Variants in TIMM44 observed in about 807,000 individuals in gnomAD.
TIMM44 encodes mitochondrial import inner membrane translocase subunit TIM44.
TIMM44 carries 37 observed loss-of-function variants against 63.8 expected under a neutral mutation model. The observed-to-expected ratio is 0.58, with a 90% CI of 0.45 to 0.76. The LOEUF (loss-of-function observed/expected upper bound fraction) is 0.76, where lower values mean the gene tolerates loss of function less well. Ranked by LOEUF, TIMM44 falls within the 30% of genes least tolerant of loss-of-function variation. The pLI is 0.00. For missense variants in TIMM44, 573 were observed against 603.8 expected, an observed-to-expected ratio of 0.95 and a Z score of 0.54; for synonymous variants, 239 against 245.1, an observed-to-expected ratio of 0.98 and a Z score of 0.23.
intron 9 of TIMM44, 61 bp downstream of exon 9, chr19:7,932,566 G>C: frequency 6.3e-7 from 1 of 1,590,384 alleles, no homozygotes. Flanking sequence ...CGGCTGCGGC[G>C]GGGGAGGTGG....
At chr19:7,928,260 C>CA in intron 10 of TIMM44, 94 bp from the exon 11 acceptor site, 1 of 1,106,174 alleles carries the variant, frequency 9.0e-7, no homozygotes, top group Non-Finnish European at 1.3e-6. Flanking sequence ...CGCCCAGGTG[C>CA]CCTGCCGCCA....
At position 7,933,425 on chromosome 19, in the gene TIMM44, C is replaced by T; in HGVS notation, c.769+60G>A. On this transcript the variant is annotated intron_variant, in intron 7 of 12. Transcript: ENST00000270538. This position sits in a 1 kb window ranked among gnomAD's most constrained non-coding sequence, Gnocchi z 4.3. Reference sequence around the variant, plus strand: ...CTTGTGCCCAATGCAGGGGGATCACCTTGCGGTCCACCAACTGCCCGGGAC... The same window carrying T: ...CTTGTGCCCAATGCAGGGGGATCACTTTGCGGTCCACCAACTGCCCGGGAC... 1 of 1,482,800 alleles carries T rather than the reference C, an allele frequency of 6.7e-7. No homozygotes were observed. The allele number at this position is 1,482,800 out of a possible 1,614,324, so 91.9% of individuals were successfully genotyped here.
In TIMM44 at chr19:7,943,523, C is replaced by T; in HGVS notation, c.45+84G>A. ...GGAGCCCAAGCAAGGGTCGCGAAGG[C>T]CAAGGGTCTGAGAAGAAAGCCTTGG... On this transcript the variant is annotated intron_variant, in intron 1 of 12. Coordinates refer to ENST00000270538, the MANE Select transcript of TIMM44 (RefSeq NM_006351.4). The surrounding 1 kb of genome is among the most constrained non-coding windows in gnomAD (Gnocchi z 4.3). The T allele has an allele frequency of 6.7e-7, 1 of 1,485,124 alleles. No individual in the cohort carries two copies. The highest frequency in any genetic ancestry group is 9.1e-7 in the Non-Finnish European group (1 of 1,099,034). The allele number at this position is 1,485,124 out of a possible 1,614,324, so 92.0% of individuals were successfully genotyped here.
intron 3 of TIMM44, among the ~76,000 whole-genome samples, chr19:7,936,011 AGGCGT>A (rs1984144661): frequency 6.6e-6 from 1 of 152,168 alleles, no homozygotes; most frequent in African/African-American, 2.4e-5. Context: ...AAAATTAGCC[AGGCGT>A]GGTATCCCAT....
chr19:7,943,085 G>A lies in TIMM44; in HGVS notation c.45+522C>T, dbSNP rs1984357040. Among the ~76,000 whole-genome samples the A allele has an allele frequency of 6.6e-6, 1 of 151,392 alleles. No homozygotes were observed. The highest frequency in any genetic ancestry group is 1.5e-5 in the Non-Finnish European group (1 of 67,872). ...AAAAAAGAAAAAACGAAGAGCACGA[G>A]CAATATGAAGTACTACTTTCTGAGT... On this transcript the variant is annotated intron_variant, in intron 1 of 12. Coordinates refer to ENST00000270538, the MANE Select transcript of TIMM44 (RefSeq NM_006351.4). This position sits in a 1 kb window ranked among gnomAD's most constrained non-coding sequence, Gnocchi z 4.3.
chr19:7,938,278 T>A (rs1458652951), intron 2 of TIMM44, 81 bp from the exon 3 acceptor site: 2 of 1,093,596 alleles, frequency 1.8e-6, no homozygotes, highest in East Asian at 5.1e-5. Context: ...GACTCAGGGA[T>A]TTTTTTAAAT....
In TIMM44 at chr19:7,941,187, C is replaced by T. The variant is rs2145182199; in HGVS notation, c.56G>A (p.Gly19Asp). Residue 19 changes from glycine (G) to aspartate (D), a missense_variant, in exon 2 of 13, where the codon GGC (glycine) becomes GAC (aspartate). Physicochemically the swap from Gly to Asp is moderately conservative, Grantham distance 94 (BLOSUM62 -1). Coordinates refer to ENST00000270538, the MANE Select transcript of TIMM44 (RefSeq NM_006351.4). Reference protein sequence around the residue: ...GWCRCPRRCLGSGIQFLSSHN... With the variant: ...GWCRCPRRCLDSGIQFLSSHN... ...GCTGGAAAGAAATTGGATTCCACTG[C>T]CGAGGCATCTCTAATTGGGGGGAGA... The T allele has an allele frequency of 1.2e-6, 2 of 1,613,738 alleles. No individual in the cohort carries two copies. The highest frequency in any genetic ancestry group is 2.2e-5 in the East Asian group (1 of 44,872).
chr19:7,936,586 C>G (rs1984160595), intron 3 of TIMM44, among the ~76,000 whole-genome samples: 3 of 152,258 alleles, frequency 2.0e-5, no homozygotes, highest in African/African-American at 7.2e-5. Context: ...GACACTGTAA[C>G]TGCCTCGCAG....
chr19:7,927,892 T>A, intron 11 of TIMM44, 125 bp from the exon 12 acceptor site: 1 of 1,147,036 alleles, frequency 8.7e-7, no homozygotes, highest in Non-Finnish European at 1.3e-6. Context: ...CACCGGTCCC[T>A]CCCCGTGGGC....
intron 12 of TIMM44, 166 bp from the exon 13 acceptor site, chr19:7,927,472 A>G: frequency 9.5e-7 from 1 of 1,052,422 alleles, no homozygotes; most frequent in Non-Finnish European, 1.4e-6. Context: ...AGCCTTGGTA[A>G]AAACAGACAG....
chr19:7,933,677 T>C lies in TIMM44; in HGVS notation c.684-107A>G. ...TACAGGACAGCAGGCAGCTGAGACC[T>C]CAAACCTAGGGGCTCTGAGGACCCC... On this transcript the variant is annotated intron_variant, in intron 6 of 12. Transcript: ENST00000270538. The surrounding 1 kb of genome is among the most constrained non-coding windows in gnomAD (Gnocchi z 4.3). 7.6e-7 allele frequency: 1 copy of C among 1,313,074 alleles called. No homozygotes were observed. The highest frequency in any genetic ancestry group is 1.1e-6 in the Non-Finnish European group (1 of 912,576). The allele number at this position is 1,313,074 out of a possible 1,614,324, so 81.3% of individuals were successfully genotyped here.
intron 3 of TIMM44, among the ~76,000 whole-genome samples, chr19:7,935,572 C>T (rs520586): frequency 0.029 from 4,486 of 152,308 alleles, 208 homozygotes; most frequent in African/African-American, 0.1. Context: ...CCCGCACCTG[C>T]CAGCATGTGC....
Position 7,943,554 on chromosome 19 carries a change from G to A in TIMM44, c.45+53C>T. On this transcript the variant is annotated intron_variant, in intron 1 of 12. Coordinates refer to ENST00000270538, the MANE Select transcript of TIMM44 (RefSeq NM_006351.4). The surrounding 1 kb of genome is among the most constrained non-coding windows in gnomAD (Gnocchi z 4.3). ...GTCTGAGAAGAAAGCCTTGGTGGCC[G>A]AAGGCCCAGAAGACCCCTAAGCTCG... 1 of 1,551,340 alleles carries A rather than the reference G, an allele frequency of 6.4e-7. No individual in the cohort carries two copies. Among genetic ancestry groups the A allele is most frequent in the Non-Finnish European group, 8.7e-7 (1 of 1,152,826 alleles).
Position 7,927,074 on chromosome 19 carries a change from T to G in TIMM44, c.*113A>C, listed in dbSNP as rs150074803. ...GGTCTTGCAGCCGTCCTGGCAGAGC[T>G]GGGGGCAGAGCCCGCAGTCTTGTTC... On this transcript the variant is annotated 3_prime_UTR_variant, in exon 13 of 13. Coordinates refer to ENST00000270538, the MANE Select transcript of TIMM44 (RefSeq NM_006351.4). 6.8e-7 allele frequency: 1 copy of G among 1,460,670 alleles called. No individual in the cohort carries two copies. Among genetic ancestry groups the G allele is most frequent in the Non-Finnish European group, 9.3e-7 (1 of 1,080,972 alleles). The allele number at this position is 1,460,670 out of a possible 1,614,324, so 90.5% of individuals were successfully genotyped here. A position where few individuals can be genotyped will look rare whatever the true frequency, so the allele number is the denominator to read the frequency against.
rs999332002 is a variant in TIMM44 at position 7,926,985 on chromosome 19, T to C, written c.*202A>G. 1.4e-5 allele frequency: 10 copies of C among 707,232 alleles called. No homozygotes were observed. Among genetic ancestry groups the C allele is most frequent in the Non-Finnish European group, 2.3e-5 (10 of 427,232 alleles). The allele number at this position is 707,232 out of a possible 1,614,324, so 43.8% of individuals were successfully genotyped here. A position where few individuals can be genotyped will look rare whatever the true frequency, so the allele number is the denominator to read the frequency against. Reference sequence around the variant, plus strand: ...AGAGCAACAGGGCAGGGGTTGGCCCTGCGGGGGAGTGTCTCCAGCTGCCGC... The same window carrying C: ...AGAGCAACAGGGCAGGGGTTGGCCCCGCGGGGGAGTGTCTCCAGCTGCCGC... On this transcript the variant is annotated 3_prime_UTR_variant, in exon 13 of 13. Transcript: ENST00000270538.
chr19:7,931,043 G>A, intron 10 of TIMM44, 95 bp downstream of exon 10: 1 of 1,193,964 alleles, frequency 8.4e-7, no homozygotes, highest in Non-Finnish European at 1.2e-6. Flanking sequence ...CCTGCCTGTT[G>A]GGAGCTACCC....
At chr19:7,928,237 C>T in intron 10 of TIMM44, 71 bp from the exon 11 acceptor site, 2 of 1,350,804 alleles carry the variant, frequency 1.5e-6, no homozygotes, top group Non-Finnish European at 2.1e-6. Context: ...GAGCTGCTGC[C>T]CACACACCCT....
At chr19:7,929,915 C>G (rs1983932109) in intron 10 of TIMM44, among the ~76,000 whole-genome samples, 1 of 151,834 alleles carries the variant, frequency 6.6e-6, no homozygotes, top group Admixed American at 6.6e-5. Context: ...GTGGTGCAAT[C>G]TCGGCTCACT....
In TIMM44 at chr19:7,933,176, G is replaced by A. The variant is rs1436628335; in HGVS notation, c.770-244C>T. On this transcript the variant is annotated intron_variant, in intron 7 of 12. Transcript: ENST00000270538. The surrounding 1 kb of genome is among the most constrained non-coding windows in gnomAD (Gnocchi z 4.3). Reference sequence around the variant, plus strand: ...AATGGGGCTGTGTAAGTTATGGGCCGCCACCCCACTGGCTGTTGCTTTCAC... The same window carrying A: ...AATGGGGCTGTGTAAGTTATGGGCCACCACCCCACTGGCTGTTGCTTTCAC... Among the ~76,000 whole-genome samples, 2 of 152,152 alleles carry A rather than the reference G, an allele frequency of 1.3e-5. No homozygotes were observed. Among genetic ancestry groups the A allele is most frequent in the African/African-American group, 2.4e-5 (1 of 41,448 alleles).
Sources: allele counts gnomAD v4.1 joint callset (sites outside exome capture counted in the v4.1 genomes callset), GRCh38; gene constraint gnomAD v4.1.1; non-coding constraint Gnocchi (gnomAD v3.1); transcripts MANE v1.5; gene names NCBI Gene and HGNC (gene_info 2026-07-23, HGNC 2026-07-21).